Variants in SRGAP3 observed in about 807,000 individuals in gnomAD.
SRGAP3 encodes SLIT-ROBO Rho GTPase-activating protein 3.
In SRGAP3, 39 loss-of-function variants were observed where a neutral mutation model predicts 121.1. The ratio of observed to expected loss-of-function variants is 0.32; its 90% CI spans 0.25 to 0.42. The LOEUF (loss-of-function observed/expected upper bound fraction) is 0.42, where lower values mean the gene tolerates loss of function less well. Among genes scored for constraint, SRGAP3 ranks in the 10% least tolerant of loss-of-function variants. The pLI is 1.00. For missense variants in SRGAP3, 1,213 were observed against 1,470.6 expected (o/e 0.82, Z 2.86); for synonymous variants, 601 against 570.0 (o/e 1.05, Z -0.77).
intron 19 of SRGAP3, 151 bp from the exon 20 acceptor site, chr3:8,993,206 G>T: frequency 7.9e-7 from 1 of 1,265,508 alleles, no homozygotes; most frequent in Non-Finnish European, 1.1e-6. Flanking sequence ...CCCACTGGGT[G>T]CCTTCCCACC....
At chr3:9,151,410 TCC>T (rs2125055500) in intron 1 of SRGAP3, among the ~76,000 whole-genome samples, 1 of 152,088 alleles carries the variant, frequency 6.6e-6, no homozygotes, top group East Asian at 1.9e-4. Context: ...ACCAAGAAGG[TCC>T]CGAGATGCCC....
At chr3:9,192,280 G>A (rs1951776045) in intron 1 of SRGAP3, among the ~76,000 whole-genome samples, 1 of 152,178 alleles carries the variant, frequency 6.6e-6, no homozygotes, top group South Asian at 2.1e-4. Flanking sequence ...CTGGGGCTTT[G>A]GGCCACCCCA....
intron 1 of SRGAP3, among the ~76,000 whole-genome samples, chr3:9,355,327 C>G (rs986745427): frequency 2.0e-5 from 3 of 152,196 alleles, no homozygotes; most frequent in Admixed American, 2.0e-4. Context: ...CATTCCTGCT[C>G]CCTAACATTG....
At position 9,043,543 on chromosome 3, in the gene SRGAP3, G is replaced by A. The variant is rs181670103; in HGVS notation, c.1408+3848C>T. On this transcript the variant is annotated intron_variant, in intron 10 of 21. Coordinates refer to ENST00000383836, the MANE Select transcript of SRGAP3 (RefSeq NM_014850.4). ...CACTGAAGGAAAACTTTTCTCTGAC[G>A]TGGAATCTAATATGCTGTCTTTCAG... 1.3e-4 allele frequency among the ~76,000 whole-genome samples: 20 copies of A among 152,092 alleles called. No homozygotes were observed. The South Asian group carries it at 1.5e-3, about 11-fold the overall frequency.
chr3:9,319,085 AT>A (rs1955399228), intron 3 of SRGAP3, among the ~76,000 whole-genome samples: 1 of 151,908 alleles, frequency 6.6e-6, no homozygotes, highest in Non-Finnish European at 1.5e-5. Context: ...ACATATTAGT[AT>A]TTTAGAATTA....
chr3:9,139,401 G>A (rs1949772249), intron 1 of SRGAP3, among the ~76,000 whole-genome samples: 1 of 152,194 alleles, frequency 6.6e-6, no homozygotes, highest in African/African-American at 2.4e-5. Context: ...TGTCCTTACA[G>A]GAGAGAGAGG....
upstream of SRGAP3, among the ~76,000 whole-genome samples, chr3:9,251,553 G>A (rs372628329): frequency 3.9e-5 from 6 of 152,278 alleles, no homozygotes; most frequent in South Asian, 6.2e-4. Flanking sequence ...GCTCTGCCAC[G>A]AGCCTTGAGC....
At chr3:9,187,953 G>T (rs1421933337) in intron 1 of SRGAP3, among the ~76,000 whole-genome samples, 1 of 152,180 alleles carries the variant, frequency 6.6e-6, no homozygotes, top group East Asian at 1.9e-4. Flanking sequence ...CCCTCTGCCA[G>T]AAGCCTATGG....
chr3:9,346,724 A>C (rs887821870), intron 1 of SRGAP3, among the ~76,000 whole-genome samples: 4 of 151,636 alleles, frequency 2.6e-5, no homozygotes, highest in Non-Finnish European at 5.9e-5. Context: ...AGGGAGGAAC[A>C]AGAATAGAGC....
chr3:9,267,267 T>C (rs939521896), intron 3 of SRGAP3, among the ~76,000 whole-genome samples: 2 of 152,192 alleles, frequency 1.3e-5, no homozygotes, highest in Admixed American at 6.5e-5. Flanking sequence ...GGAAAACACC[T>C]TGTTAATTGT....
chr3:9,153,082 C>G (rs946743139), intron 1 of SRGAP3, among the ~76,000 whole-genome samples: 1 of 152,160 alleles, frequency 6.6e-6, no homozygotes, highest in African/African-American at 2.4e-5. Flanking sequence ...GGAACCCCAC[C>G]TGTGACAGCT....
At chr3:9,326,381 A>C (rs928781888) in intron 2 of SRGAP3, among the ~76,000 whole-genome samples, 5 of 151,958 alleles carry the variant, frequency 3.3e-5, no homozygotes, top group Non-Finnish European at 7.4e-5. Context: ...ATGTACCTAA[A>C]GTTTTGACTG....
intron 11 of SRGAP3, chr3:9,034,134 C>A (rs576692909): frequency 3.2e-4 from 49 of 152,332 alleles, no homozygotes; most frequent in Admixed American, 1.1e-3. Context: ...CATGCATATA[C>A]CTGTGTTGGC....
chr3:9,302,721 G>A (rs1209960101), intron 3 of SRGAP3, among the ~76,000 whole-genome samples: 1 of 152,186 alleles, frequency 6.6e-6, no homozygotes, highest in East Asian at 1.9e-4. Flanking sequence ...TCTGCCGCGG[G>A]GTGGGTCTTG....
intron 21 of SRGAP3, among the ~76,000 whole-genome samples, chr3:8,986,360 G>A (rs763516030): frequency 2.6e-5 from 4 of 152,174 alleles, no homozygotes; most frequent in Non-Finnish European, 5.9e-5. Flanking sequence ...GAAGAGCCTG[G>A]CCTGACCCCT....
intron 3 of SRGAP3, among the ~76,000 whole-genome samples, chr3:9,295,316 T>A (rs956144382): frequency 2.0e-5 from 3 of 152,222 alleles, no homozygotes; most frequent in Non-Finnish European, 4.4e-5. Flanking sequence ...TTTAGTGACC[T>A]CAGAACCAAA....
At chr3:9,356,834 G>A (rs946822066) in intron 1 of SRGAP3, among the ~76,000 whole-genome samples, 1 of 152,126 alleles carries the variant, frequency 6.6e-6, no homozygotes, top group African/African-American at 2.4e-5. Flanking sequence ...ATAGTACAAA[G>A]ATAGGCATTA....
intron 10 of SRGAP3, among the ~76,000 whole-genome samples, chr3:9,044,585 A>C (rs1213275100): frequency 6.6e-6 from 1 of 152,232 alleles, no homozygotes; most frequent in African/African-American, 2.4e-5. Context: ...ATGGAAAGCG[A>C]AACCACAAAT....
chr3:9,256,880 T>C (rs13069083), intron 3 of SRGAP3: 143,113 of 398,382 alleles, frequency 0.36, 28,419 homozygotes, highest in Admixed American at 0.47. Flanking sequence ...TCCTGCAATC[T>C]AGCTTAAAGC....
Sources: gnomAD v4.1 joint callset for allele counts (sites outside exome capture counted in the v4.1 genomes callset) on GRCh38, gnomAD v4.1.1 for gene constraint, MANE v1.5 for transcripts, NCBI Gene and HGNC (gene_info 2026-07-23, HGNC 2026-07-21) for gene names.